Variants in ULK4 observed in about 807,000 individuals in gnomAD.
The protein encoded by ULK4 is inactive serine/threonine-protein kinase ULK4.
In ULK4, 133 loss-of-function variants were observed where a neutral mutation model predicts 160.6. The observed-to-expected ratio is 0.83, with a 90% confidence interval of 0.72 to 0.96. The LOEUF (loss-of-function observed/expected upper bound fraction) is 0.96, where lower values mean the gene tolerates loss of function less well. ULK4 is among the 40% of genes least tolerant of loss of function. ULK4 has a pLI of 0.00. For synonymous variants in ULK4, 534 were observed against 539.8 expected (o/e 0.99, Z 0.15); for missense variants, 1,580 against 1,499.5 (o/e 1.05, Z -0.89).
At chr3:41,497,214 T>G (rs918113672) in intron 32 of ULK4, among the ~76,000 whole-genome samples, 3 of 151,996 alleles carry the variant, frequency 2.0e-5, no homozygotes, top group Admixed American at 1.3e-4. Flanking sequence ...AATGAAAACA[T>G]GTATTATCTG....
chr3:41,612,050 T>C (rs1243993736), intron 31 of ULK4, among the ~76,000 whole-genome samples: 1 of 152,146 alleles, frequency 6.6e-6, no homozygotes, highest in Non-Finnish European at 1.5e-5. Flanking sequence ...AACACACATT[T>C]TAAAATACAG....
chr3:41,600,615 A>T (rs2031994504), intron 31 of ULK4, among the ~76,000 whole-genome samples: 1 of 152,208 alleles, frequency 6.6e-6, no homozygotes, highest in African/African-American at 2.4e-5. Context: ...TGCTCAACAG[A>T]GTGTCCCCTC....
In ULK4 at chr3:41,390,240, T is replaced by C. The variant is rs145127073; in HGVS notation, c.3678+7839A>G. On this transcript the variant is annotated intron_variant, in intron 35 of 36. Coordinates refer to ENST00000301831, the MANE Select transcript of ULK4 (RefSeq NM_017886.4). ...ATATCCCCTTTGTCATTTTTTATTG[T>C]GTCTATTTGATTCTTCTCTCTTTTC... is the stretch of plus-strand genomic sequence containing the variant. Among the ~76,000 whole-genome samples the C allele has an allele frequency of 9.4e-3, 1,429 of 152,218 alleles. 9 individuals carry two copies. Among genetic ancestry groups the C allele is most frequent in the African/African-American group, 0.024 (988 of 41,560 alleles).
intron 35 of ULK4, among the ~76,000 whole-genome samples, chr3:41,300,410 C>T (rs1229937061): frequency 2.6e-5 from 4 of 152,012 alleles, no homozygotes; most frequent in African/African-American, 4.8e-5. Flanking sequence ...CATAAGTTTC[C>T]GCTAAATGTA....
At chr3:41,379,923 C>T (rs1314670984) in intron 35 of ULK4, among the ~76,000 whole-genome samples, 4 of 152,050 alleles carry the variant, frequency 2.6e-5, no homozygotes, top group Non-Finnish European at 5.9e-5. Flanking sequence ...TCCCTAGTTC[C>T]CAGGAAGTCT....
intron 29 of ULK4, among the ~76,000 whole-genome samples, chr3:41,677,449 A>G (rs2035760853): frequency 6.6e-6 from 1 of 150,516 alleles, no homozygotes; most frequent in African/African-American, 2.5e-5. Context: ...CTCCTGCCTC[A>G]GCCTCCCGAG....
intron 29 of ULK4, among the ~76,000 whole-genome samples, chr3:41,665,751 A>G (rs1297183971): frequency 6.6e-6 from 1 of 152,178 alleles, no homozygotes; most frequent in East Asian, 1.9e-4. Context: ...GTCTACTTAA[A>G]ATTTTGTTTA....
At chr3:41,327,558 C>T (rs6763756) in intron 35 of ULK4, among the ~76,000 whole-genome samples, 84,076 of 151,980 alleles carry the variant, frequency 0.55, 25,325 homozygotes, top group African/African-American at 0.81. Flanking sequence ...ATTAACACCT[C>T]TTCATTGTAG....
In ULK4 at chr3:41,947,243, G is replaced by A. The variant is rs147194195; in HGVS notation, c.138+7379C>T. ...GGAGAATGGCGTGAACCCAGGAGAC[G>A]GAGCTTGCGGTGAGCCGAGACTGTG... On this transcript the variant is annotated intron_variant, in intron 2 of 36. Transcript: ENST00000301831. Among the ~76,000 whole-genome samples, 1,344 of 152,250 alleles carry A rather than the reference G, an allele frequency of 8.8e-3. 21 individuals carry two copies. Among genetic ancestry groups the A allele is most frequent in the African/African-American group, 0.031 (1,291 of 41,548 alleles).
chr3:41,505,173 T>C (rs2085335153), intron 32 of ULK4, among the ~76,000 whole-genome samples: 2 of 152,142 alleles, frequency 1.3e-5, no homozygotes, highest in South Asian at 4.1e-4. Flanking sequence ...AGAAAAAGCG[T>C]ACATAAGTGT....
At chr3:41,646,016 C>A (rs970287415) in intron 30 of ULK4, among the ~76,000 whole-genome samples, 11 of 152,016 alleles carry the variant, frequency 7.2e-5, no homozygotes, top group Admixed American at 5.9e-4. Context: ...GATTGCAACC[C>A]CTGCCTTTTT....
At chr3:41,502,446 T>A (rs1157397719) in intron 32 of ULK4, among the ~76,000 whole-genome samples, 1 of 152,222 alleles carries the variant, frequency 6.6e-6, no homozygotes, top group Non-Finnish European at 1.5e-5. Flanking sequence ...ATCTCACCTC[T>A]AGGTATTTGC....
chr3:41,849,252 T>C (rs2042146125), intron 17 of ULK4, among the ~76,000 whole-genome samples: 1 of 152,236 alleles, frequency 6.6e-6, no homozygotes, highest in Non-Finnish European at 1.5e-5. Flanking sequence ...GGACTTGTAT[T>C]ACTTTAAAAG....
intron 35 of ULK4, among the ~76,000 whole-genome samples, chr3:41,287,136 G>A (rs2079095677): frequency 6.6e-6 from 1 of 152,196 alleles, no homozygotes; most frequent in African/African-American, 2.4e-5. Context: ...AGAAACTGGT[G>A]AAAATCTCAA....
intron 35 of ULK4, among the ~76,000 whole-genome samples, chr3:41,381,696 C>G (rs759912822): frequency 3.9e-5 from 6 of 152,178 alleles, no homozygotes; most frequent in Non-Finnish European, 8.8e-5. Context: ...CAGCAACCCC[C>G]TGACATGTAT....
intron 17 of ULK4, among the ~76,000 whole-genome samples, chr3:41,875,513 T>C (rs1697265299): frequency 6.6e-6 from 1 of 152,202 alleles, no homozygotes; most frequent in African/African-American, 2.4e-5. Flanking sequence ...GCACCTCTAG[T>C]ACTAGCTAGT....
chr3:41,492,911 C>A, intron 32 of ULK4, among the ~76,000 whole-genome samples: 1 of 144,524 alleles, frequency 6.9e-6, no homozygotes, highest in Non-Finnish European at 1.5e-5. Flanking sequence ...AATACAGGAG[C>A]ACCCAGATTC....
At chr3:41,953,302 A>T (rs1302754178) in intron 2 of ULK4, among the ~76,000 whole-genome samples, 2 of 108,032 alleles carry the variant, frequency 1.9e-5, no homozygotes, top group African/African-American at 8.1e-5. Context: ...ATATATATAT[A>T]TATTTTTTTT....
rs140415322 is a variant in ULK4, at chr3:41,960,634, G to A, written c.-49+1382C>T. 1.7e-3 allele frequency among the ~76,000 whole-genome samples: 257 copies of A among 152,220 alleles called. 2 individuals are homozygous for A. Among genetic ancestry groups the A allele is most frequent in the Middle Eastern group, 3.4e-3 (1 of 294 alleles). ...CCTGCCTCGGCCTTCCAAAGTGCTA[G>A]GATTACAGGTGTGAGCCACCGCGCC... On this transcript the variant is annotated intron_variant, in intron 1 of 36. Transcript: ENST00000301831.
Sources: allele counts gnomAD v4.1 joint callset (sites outside exome capture counted in the v4.1 genomes callset), GRCh38; gene constraint gnomAD v4.1.1; transcripts MANE v1.5; gene names NCBI Gene and HGNC (gene_info 2026-07-23, HGNC 2026-07-21).